The following HNRNPM variants were observed in gnomAD, a reference collection of about 807,000 sequenced individuals.
HNRNPM encodes CEA receptor.
Under a neutral mutation model 73.1 loss-of-function variants are expected in HNRNPM, and 11 were observed. The observed-to-expected ratio is 0.15, with a 90% confidence interval of 0.09 to 0.25. The LOEUF (loss-of-function observed/expected upper bound fraction) is 0.25, where lower values mean the gene tolerates loss of function less well. Ranked by LOEUF, HNRNPM falls within the 10% of genes least tolerant of loss-of-function variation. HNRNPM has a pLI of 1.00. For missense variants in HNRNPM, 789 were observed against 1,067.9 expected, an observed-to-expected ratio of 0.74 and a Z score of 3.64; for synonymous variants, 407 against 355.2, an observed-to-expected ratio of 1.15 and a Z score of -1.64.
In HNRNPM at chr19:8,486,557, A is replaced by T. The variant is rs941762652; in HGVS notation, c.1977+152A>T. 16 of 666,910 alleles carry T rather than the reference A, an allele frequency of 2.4e-5. No homozygotes were observed. The South Asian group carries it at 3.2e-4, about 13-fold the overall frequency. The allele number at this position is 666,910 out of a possible 1,614,324, so 41.3% of individuals were successfully genotyped here. A position where few individuals can be genotyped will look rare whatever the true frequency, so the allele number is the denominator to read the frequency against. On this transcript the variant is annotated intron_variant, in intron 14 of 15. Coordinates refer to ENST00000325495, the MANE Select transcript of HNRNPM (RefSeq NM_005968.5). ...AACGTTTTATGCTAGTGGGACAAGT[A>T]AGGAATGTGAGAACTGTGGGTTCTG...
In HNRNPM at chr19:8,486,184, G is replaced by A; in HGVS notation, c.1756G>A (p.Ala586Thr). 6.3e-7 allele frequency: 1 copy of A among 1,585,186 alleles called. No homozygotes were observed. The highest frequency in any genetic ancestry group is 8.6e-7 in the Non-Finnish European group (1 of 1,164,254). Reference sequence around the variant, plus strand: ...GCGCATGGGCCTGGAGCGCATGGGTGCCAACAGCCTCGAGCGCATGGGCCC... The same window carrying A: ...GCGCATGGGCCTGGAGCGCATGGGTACCAACAGCCTCGAGCGCATGGGCCC... ...LERMGLERMG[A>T]NSLERMGPAM... Residue 586 changes from alanine (A) to threonine (T), a missense_variant, in exon 14 of 16, where the codon GCC (alanine) becomes ACC (threonine). Transcript: ENST00000325495.
intron 9 of HNRNPM, among the ~76,000 whole-genome samples, chr19:8,470,827 G>T (rs1970077385): frequency 6.6e-6 from 1 of 152,194 alleles, no homozygotes; most frequent in African/African-American, 2.4e-5. Flanking sequence ...GGGGAAGGAA[G>T]ATAGGTTCTT....
In HNRNPM at chr19:8,477,210, C is replaced by T. The variant is rs2145721757; in HGVS notation, c.1120+2966C>T. Among the ~76,000 whole-genome samples the T allele has an allele frequency of 2.6e-5, 4 of 152,208 alleles. No individual in the cohort carries two copies. In the South Asian group the frequency reaches 8.3e-4, roughly 32 times the overall value. ...ATGGGAGGGAGAGATTCTTCAAGGA[C>T]CTCGCAGCATGAAAAGTGTGATCCC... On this transcript the variant is annotated intron_variant, in intron 12 of 15. Transcript: ENST00000325495.
At chr19:8,464,875 T>C (rs1044808881) in intron 5 of HNRNPM, among the ~76,000 whole-genome samples, 3 of 152,154 alleles carry the variant, frequency 2.0e-5, no homozygotes, top group African/African-American at 7.2e-5. Context: ...CCTGAAGGAC[T>C]TGAAGGATGG....
At chr19:8,478,989 G>T (rs1439677005) in intron 12 of HNRNPM, among the ~76,000 whole-genome samples, 1 of 151,478 alleles carries the variant, frequency 6.6e-6, no homozygotes, top group Non-Finnish European at 1.5e-5. Context: ...GGAAGGTCTT[G>T]AGTATTTAGG....
intron 12 of HNRNPM, among the ~76,000 whole-genome samples, chr19:8,479,975 A>G (rs1397466718): frequency 1.4e-5 from 2 of 146,032 alleles, no homozygotes; most frequent in Admixed American, 6.7e-5. Context: ...GGGTTTCACC[A>G]TCTTGGCCAG....
intron 6 of HNRNPM, 55 bp from the exon 7 acceptor site, chr19:8,466,180 T>C: frequency 1.3e-6 from 2 of 1,519,010 alleles, no homozygotes; most frequent in Non-Finnish European, 1.8e-6. Context: ...AGTAAAAATG[T>C]TGTGTTTCTT....
intron 5 of HNRNPM, among the ~76,000 whole-genome samples, chr19:8,464,461 C>A (rs1969604995): frequency 6.6e-6 from 1 of 151,992 alleles, no homozygotes; most frequent in African/African-American, 2.4e-5. Context: ...TGGTGAAACC[C>A]TGTCTACTAA....
At chr19:8,471,901 G>A (rs993999120) in intron 10 of HNRNPM, among the ~76,000 whole-genome samples, 6 of 152,142 alleles carry the variant, frequency 3.9e-5, no homozygotes, top group Non-Finnish European at 8.8e-5. Context: ...GGCCAGGCAC[G>A]GTGGCTCACG....
At chr19:8,456,627 A>G (rs1476480447) in intron 2 of HNRNPM, among the ~76,000 whole-genome samples, 2 of 152,196 alleles carry the variant, frequency 1.3e-5, no homozygotes, top group Admixed American at 6.5e-5. Flanking sequence ...TGGATAGGCC[A>G]TTTTGGTATG....
Position 8,448,718 on chromosome 19 carries a change from C to T in HNRNPM, c.113+3607C>T, listed in dbSNP as rs576440895. ...CAGGATGGTCTCGATCTCCTGACGT[C>T]GTTATCCGCCCGTCTTGGCCTCCCA... On this transcript the variant is annotated intron_variant, in intron 1 of 15. Coordinates refer to ENST00000325495, the MANE Select transcript of HNRNPM (RefSeq NM_005968.5). Among the ~76,000 whole-genome samples the T allele has an allele frequency of 7.2e-5, 11 of 151,860 alleles. No homozygotes were observed. The South Asian group carries it at 1.7e-3, about 23-fold the overall frequency.
Position 8,458,266 on chromosome 19 carries a change from A to C in HNRNPM, c.283+2692A>C, listed in dbSNP as rs151032440. On this transcript the variant is annotated intron_variant, in intron 2 of 15. Transcript: ENST00000325495. ...TTCTAGCATTTCCTATTAAAAATCC[A>C]CATAGGAAGTAAACTGGTCATTTAT... 8.3e-4 allele frequency among the ~76,000 whole-genome samples: 126 copies of C among 152,298 alleles called. 1 individual carries two copies. In the East Asian group the frequency reaches 0.016, roughly 19 times the overall value.
intron 13 of HNRNPM, among the ~76,000 whole-genome samples, chr19:8,484,500 G>C (rs1474417668): frequency 6.6e-6 from 1 of 152,198 alleles, no homozygotes. Context: ...ATGCCTTTGG[G>C]CAAAGTGCCC....
chr19:8,479,652 C>A (rs1036389065), intron 12 of HNRNPM, among the ~76,000 whole-genome samples: 3 of 151,602 alleles, frequency 2.0e-5, no homozygotes, highest in Admixed American at 6.6e-5. Context: ...GTATGTTGCC[C>A]AGGCTTATTA....
intron 13 of HNRNPM, among the ~76,000 whole-genome samples, chr19:8,483,986 T>C (rs1156769405): frequency 6.6e-6 from 1 of 151,922 alleles, no homozygotes; most frequent in Non-Finnish European, 1.5e-5. Flanking sequence ...CAGGCTTATC[T>C]CAAACTCCTG....
chr19:8,469,777 C>T (rs1394255415), intron 9 of HNRNPM, among the ~76,000 whole-genome samples: 1 of 152,198 alleles, frequency 6.6e-6, no homozygotes, highest in Non-Finnish European at 1.5e-5. Flanking sequence ...GGGGTGACCT[C>T]CACCAGGCGG....
At position 8,486,024 on chromosome 19, in the gene HNRNPM, G is replaced by A. The variant is rs1465622012; in HGVS notation, c.1596G>A (p.Met532Ile). ...IERMGLSMERMVPAGMGAGLE... is the reference protein window; with the variant it reads ...IERMGLSMERIVPAGMGAGLE... ...GCATGGGCCTGAGCATGGAGCGCAT[G>A]GTGCCCGCAGGTATGGGAGCTGGCC... Residue 532 changes from methionine (M) to isoleucine (I), a missense_variant, in exon 14 of 16, where the codon ATG becomes ATA. Physicochemically the swap from Met to Ile is conservative, Grantham distance 10. Transcript: ENST00000325495. 10 of 1,606,258 alleles carry A rather than the reference G, an allele frequency of 6.2e-6. No individual in the cohort carries two copies. The highest frequency in any genetic ancestry group is 8.5e-6 in the Non-Finnish European group (10 of 1,179,330).
chr19:8,451,376 A>G (rs1354577323), intron 1 of HNRNPM, among the ~76,000 whole-genome samples: 1 of 152,160 alleles, frequency 6.6e-6, no homozygotes, highest in East Asian at 1.9e-4. Context: ...TTAAGTTTTT[A>G]TATGTACGTA....
At chr19:8,474,932 C>G (rs961668543) in intron 12 of HNRNPM, among the ~76,000 whole-genome samples, 1 of 152,172 alleles carries the variant, frequency 6.6e-6, no homozygotes, top group African/African-American at 2.4e-5. Flanking sequence ...CCAGGCTGGC[C>G]TCGAACTCCT....
Sources: gnomAD v4.1 joint callset for allele counts (sites outside exome capture counted in the v4.1 genomes callset) on GRCh38, gnomAD v4.1.1 for gene constraint, MANE v1.5 for transcripts, NCBI Gene and HGNC (gene_info 2026-07-23, HGNC 2026-07-21) for gene names.